Variants in GSE1 observed in about 807,000 individuals in gnomAD.
The protein encoded by GSE1 is Gse1 coiled-coil protein.
GSE1 carries 32 observed loss-of-function variants against 112.6 expected under a neutral mutation model. That is an observed-to-expected ratio of 0.28 (90% confidence interval 0.21 to 0.38). The LOEUF (loss-of-function observed/expected upper bound fraction) is 0.38. Ranked by LOEUF, GSE1 falls within the 10% of genes least tolerant of loss-of-function variation. GSE1 has a pLI of 1.00. For missense variants in GSE1, 2,348 were observed against 1,699.2 expected (o/e 1.38, Z -6.71); for synonymous variants, 1,115 against 735.6 (o/e 1.52, Z -8.35).
chr16:85,605,662 C>T (rs984328861), intron 1 of GSE1, among the ~76,000 whole-genome samples: 10 of 151,434 alleles, frequency 6.6e-5, no homozygotes, highest in South Asian at 2.1e-4. Flanking sequence ...CCTGCACCCC[C>T]GGGGGGGCCA....
At chr16:85,176,902 G>T (rs2074478510) in intron 1 of GSE1, among the ~76,000 whole-genome samples, 1 of 152,248 alleles carries the variant, frequency 6.6e-6, no homozygotes, top group Admixed American at 6.5e-5. Flanking sequence ...GGGCCTGGCT[G>T]CCCCTCCTCC....
intron 1 of GSE1, among the ~76,000 whole-genome samples, chr16:85,218,215 T>C (rs1052800382): frequency 5.3e-5 from 8 of 152,172 alleles, no homozygotes; most frequent in South Asian, 4.2e-4. Flanking sequence ...TTCAGCCTCA[T>C]CTGAAGCTCA....
chr16:85,538,639 A>G (rs1280210871), intron 2 of GSE1, among the ~76,000 whole-genome samples: 1 of 151,968 alleles, frequency 6.6e-6, no homozygotes, highest in African/African-American at 2.4e-5. Flanking sequence ...GGGACTTGCC[A>G]CCTTCGGAGG....
Position 85,326,418 on chromosome 16 carries a change from A to G in GSE1, c.2284-31045A>G, listed in dbSNP as rs528007202. The stretch of plus-strand genomic sequence containing the variant: ...ATGGTTTGGCCGTGACCCCACCCAA[A>G]TCTCATTTTGAATGGTAATCCCCAC... On this transcript the variant is annotated intron_variant, in intron 1 of 2. Transcript: ENST00000637419. Among the ~76,000 whole-genome samples the G allele has an allele frequency of 1.2e-3, 182 of 152,242 alleles. 1 individual carries two copies. The highest frequency in any genetic ancestry group is 4.3e-3 in the African/African-American group (178 of 41,544).
At chr16:85,386,822 G>C (rs774133163) in intron 2 of GSE1, among the ~76,000 whole-genome samples, 11 of 152,202 alleles carry the variant, frequency 7.2e-5, no homozygotes, top group Non-Finnish European at 1.5e-4. Flanking sequence ...CTTGTTACCA[G>C]ATTTTACCCT....
chr16:85,615,270 C>T (rs1242959648), intron 1 of GSE1, among the ~76,000 whole-genome samples: 1 of 152,170 alleles, frequency 6.6e-6, no homozygotes, highest in Non-Finnish European at 1.5e-5. Flanking sequence ...CGGCCGCCGG[C>T]TGTGCAGGGA....
chr16:85,331,839 C>G (rs903752362), intron 1 of GSE1, among the ~76,000 whole-genome samples: 1 of 151,748 alleles, frequency 6.6e-6, no homozygotes, highest in East Asian at 1.9e-4. Flanking sequence ...TGAGTCACCG[C>G]GCCCAGCTAC....
At chr16:85,444,377 C>T (rs947546717) in intron 2 of GSE1, among the ~76,000 whole-genome samples, 6 of 152,110 alleles carry the variant, frequency 3.9e-5, no homozygotes, top group Middle Eastern at 3.2e-3. Flanking sequence ...TCCAGGGAGG[C>T]GAGAGAGATG....
chr16:85,335,873 G>T (rs1426604316), intron 1 of GSE1, among the ~76,000 whole-genome samples: 1 of 152,218 alleles, frequency 6.6e-6, no homozygotes, highest in African/African-American at 2.4e-5. Context: ...CTGACGTCCA[G>T]TGTGGAGTTT....
At chr16:85,188,998 G>C (rs2074767076) in intron 1 of GSE1, among the ~76,000 whole-genome samples, 1 of 152,178 alleles carries the variant, frequency 6.6e-6, no homozygotes, top group Admixed American at 6.5e-5. Context: ...GTGACTCCCA[G>C]AATGTAAACA....
At chr16:85,475,292 C>T (rs1312133542) in intron 2 of GSE1, among the ~76,000 whole-genome samples, 3 of 152,214 alleles carry the variant, frequency 2.0e-5, no homozygotes, top group Admixed American at 6.5e-5. Flanking sequence ...CAGACAAGTG[C>T]GTCGCTGAAT....
At chr16:85,380,084 G>T (rs775368105) in intron 2 of GSE1, among the ~76,000 whole-genome samples, 4 of 152,220 alleles carry the variant, frequency 2.6e-5, no homozygotes, top group Non-Finnish European at 5.9e-5. Context: ...TGGGCTAAAA[G>T]GGTCATAACT....
chr16:85,641,032 C>T (rs2050402032), intron 2 of GSE1, among the ~76,000 whole-genome samples: 1 of 152,222 alleles, frequency 6.6e-6, no homozygotes, highest in African/African-American at 2.4e-5. Context: ...GGTGGAGGAG[C>T]CCAGTACTTG....
At chr16:85,267,917 T>G (rs1043665794) in intron 1 of GSE1, among the ~76,000 whole-genome samples, 1 of 152,218 alleles carries the variant, frequency 6.6e-6, no homozygotes, top group Non-Finnish European at 1.5e-5. Context: ...AAGTGGCCTC[T>G]CTGAACCTCA....
intron 2 of GSE1, among the ~76,000 whole-genome samples, chr16:85,390,201 G>A (rs1422682394): frequency 1.3e-5 from 2 of 152,182 alleles, no homozygotes; most frequent in Non-Finnish European, 2.9e-5. Context: ...TGGGACAGTC[G>A]CTGGCACACA....
intron 1 of GSE1, among the ~76,000 whole-genome samples, chr16:85,180,854 G>A (rs1282598463): frequency 1.3e-5 from 2 of 152,208 alleles, no homozygotes; most frequent in Non-Finnish European, 2.9e-5. Flanking sequence ...ACGAAGTGGC[G>A]AATGTAGAAA....
intron 2 of GSE1, among the ~76,000 whole-genome samples, chr16:85,477,003 C>T (rs967157615): frequency 3.4e-5 from 5 of 147,582 alleles, no homozygotes; most frequent in East Asian, 2.0e-4. Flanking sequence ...CTACTAACTG[C>T]AACCTCCACT....
At chr16:85,588,071 A>C (rs1041608931) in intron 1 of GSE1, among the ~76,000 whole-genome samples, 1 of 152,008 alleles carries the variant, frequency 6.6e-6, no homozygotes, top group Non-Finnish European at 1.5e-5. Flanking sequence ...AGGCCAGGGG[A>C]TTCACTGCTG....
chr16:85,461,086 C>G (rs954240421), intron 2 of GSE1, among the ~76,000 whole-genome samples: 15 of 152,240 alleles, frequency 9.9e-5, no homozygotes, highest in African/African-American at 3.6e-4. Context: ...GCACCTGCTT[C>G]GGGCAAGCCC....
Sources: gnomAD v4.1 joint callset for allele counts (sites outside exome capture counted in the v4.1 genomes callset) on GRCh38, gnomAD v4.1.1 for gene constraint, MANE v1.5 for transcripts, NCBI Gene and HGNC (gene_info 2026-07-23, HGNC 2026-07-21) for gene names.